Variants in ARHGEF7 observed in about 807,000 individuals in gnomAD.
ARHGEF7 encodes the protein PAK-interacting exchange factor beta.
In ARHGEF7, 33 loss-of-function variants were observed where a neutral mutation model predicts 109.8. The observed-to-expected ratio is 0.30, with a 90% CI of 0.23 to 0.40. The LOEUF is 0.40. ARHGEF7 is among the 10% of genes least tolerant of loss of function. ARHGEF7 has a pLI of 1.00. For missense variants in ARHGEF7, 938 were observed against 1,098.5 expected (o/e 0.85, Z 2.07); for synonymous variants, 458 against 424.6 (o/e 1.08, Z -0.97).
intron 2 of ARHGEF7, among the ~76,000 whole-genome samples, chr13:111,164,045 T>C (rs2076942474): frequency 6.8e-6 from 1 of 147,998 alleles, no homozygotes; most frequent in South Asian, 2.1e-4. Flanking sequence ...GCCCCCGTAT[T>C]GCGTGTTGCG....
chr13:111,140,522 T>C (rs1174280963), intron 1 of ARHGEF7, among the ~76,000 whole-genome samples: 1 of 151,976 alleles, frequency 6.6e-6, no homozygotes, highest in East Asian at 1.9e-4. Flanking sequence ...TAGTGCGAGG[T>C]CCTGGGGTAG....
At chr13:111,278,920 T>C (rs115093053) in intron 13 of ARHGEF7, among the ~76,000 whole-genome samples, 1 of 152,230 alleles carries the variant, frequency 6.6e-6, no homozygotes, top group Non-Finnish European at 1.5e-5. Context: ...GTTGACAGAC[T>C]GCTGGAGCTC....
intron 1 of ARHGEF7, among the ~76,000 whole-genome samples, chr13:111,132,611 A>G (rs1031217732): frequency 6.6e-5 from 10 of 152,236 alleles, no homozygotes; most frequent in Non-Finnish European, 1.2e-4. Context: ...TTCCCTTTAG[A>G]AAACGCTCAC....
At chr13:111,151,090 C>T (rs895511662) in intron 1 of ARHGEF7, among the ~76,000 whole-genome samples, 1 of 152,182 alleles carries the variant, frequency 6.6e-6, no homozygotes, top group Non-Finnish European at 1.5e-5. Flanking sequence ...CTTAAAGTCG[C>T]CCTTGGCATT....
At chr13:111,134,861 C>T (rs1416830609) in intron 1 of ARHGEF7, among the ~76,000 whole-genome samples, 1 of 150,032 alleles carries the variant, frequency 6.7e-6, no homozygotes, top group Non-Finnish European at 1.5e-5. Context: ...GTCATGAAGT[C>T]CTTGCCCATG....
chr13:111,232,478 G>A (rs549222738), intron 5 of ARHGEF7, among the ~76,000 whole-genome samples: 2 of 152,304 alleles, frequency 1.3e-5, no homozygotes, highest in Admixed American at 6.5e-5. Flanking sequence ...AGCTGATGAC[G>A]GGCATGCATG....
At chr13:111,256,396 C>T (rs2153567303) in intron 8 of ARHGEF7, among the ~76,000 whole-genome samples, 1 of 152,354 alleles carries the variant, frequency 6.6e-6, no homozygotes, top group East Asian at 1.9e-4. Context: ...TCTCCCTGCC[C>T]ACACTCAGGT....
At chr13:111,284,738 C>T (rs539950505) in intron 16 of ARHGEF7, among the ~76,000 whole-genome samples, 4 of 152,282 alleles carry the variant, frequency 2.6e-5, no homozygotes, top group Middle Eastern at 3.4e-3. Context: ...CCAGCAGTAG[C>T]GTGGAGAGTG....
intron 13 of ARHGEF7, among the ~76,000 whole-genome samples, chr13:111,278,692 C>A (rs1289009753): frequency 2.0e-5 from 3 of 152,236 alleles, no homozygotes; most frequent in Non-Finnish European, 4.4e-5. Flanking sequence ...TTCCCCCAAA[C>A]TAGCAGCTAC....
intron 13 of ARHGEF7, among the ~76,000 whole-genome samples, chr13:111,279,493 T>C (rs2092670616): frequency 6.6e-6 from 1 of 152,236 alleles, no homozygotes; most frequent in South Asian, 2.1e-4. Flanking sequence ...GAGGTGCTTA[T>C]GTAGAATCCT....
chr13:111,280,746 G>T, intron 15 of ARHGEF7, 69 bp downstream of exon 15: 1 of 1,386,726 alleles, frequency 7.2e-7, no homozygotes, highest in East Asian at 2.6e-5. Context: ...CTGTCAGCAA[G>T]TGATCAGTTG....
intron 8 of ARHGEF7, chr13:111,265,648 C>T (rs1271875112): frequency 2.2e-6 from 1 of 456,544 alleles, no homozygotes; most frequent in African/African-American, 2.0e-5. Flanking sequence ...GTGCTGTGGT[C>T]TGAATGTGTT....
At chr13:111,166,780 C>A (rs1194934090) in intron 2 of ARHGEF7, among the ~76,000 whole-genome samples, 1 of 152,200 alleles carries the variant, frequency 6.6e-6, no homozygotes, top group African/African-American at 2.4e-5. Flanking sequence ...CAGTGAAGAT[C>A]AGGTCTGGAC....
At chr13:111,152,882 C>T (rs1455663419) in intron 1 of ARHGEF7, among the ~76,000 whole-genome samples, 1 of 152,122 alleles carries the variant, frequency 6.6e-6, no homozygotes, top group Admixed American at 6.5e-5. Context: ...AGTTTCTTGC[C>T]GTGGGTAAGG....
intron 6 of ARHGEF7, among the ~76,000 whole-genome samples, chr13:111,240,281 A>G (rs1375970699): frequency 3.9e-5 from 6 of 152,204 alleles, no homozygotes; most frequent in Non-Finnish European, 5.9e-5. Flanking sequence ...AACGTACCCC[A>G]AGACCTGTGA....
intron 8 of ARHGEF7, among the ~76,000 whole-genome samples, chr13:111,263,762 C>T (rs2091338495): frequency 1.3e-5 from 2 of 152,204 alleles, no homozygotes; most frequent in Admixed American, 6.5e-5. Flanking sequence ...ACATCACCTG[C>T]TCAGATGTCA....
intron 1 of ARHGEF7, among the ~76,000 whole-genome samples, chr13:111,147,342 C>T (rs370255057): frequency 6.6e-6 from 1 of 152,338 alleles, no homozygotes; most frequent in Non-Finnish European, 1.5e-5. Context: ...TACATCCTTG[C>T]CAACACTTGA....
intron 1 of ARHGEF7, among the ~76,000 whole-genome samples, chr13:111,153,351 G>A (rs540619421): frequency 6.6e-6 from 1 of 152,112 alleles, no homozygotes; most frequent in South Asian, 2.1e-4. Context: ...GGTGCGCTGT[G>A]TCTGCGGGGC....
At chr13:111,159,238 G>C (rs2076568770) in intron 2 of ARHGEF7, 3 of 606,894 alleles carry the variant, frequency 4.9e-6, no homozygotes, top group African/African-American at 3.7e-5. Flanking sequence ...AGTCTGACTA[G>C]TATTCTATTG....
Sources: allele counts gnomAD v4.1 joint callset (sites outside exome capture counted in the v4.1 genomes callset), GRCh38; gene constraint gnomAD v4.1.1; transcripts MANE v1.5; gene names NCBI Gene and HGNC (gene_info 2026-07-23, HGNC 2026-07-21).